Variants in RBM26 observed in about 807,000 individuals in gnomAD.
RBM26 encodes RNA-binding protein 26.
A neutral mutation model predicts 123.6 loss-of-function variants in RBM26; 30 were observed. The observed-to-expected ratio is 0.24, with a 90% CI of 0.18 to 0.33. The LOEUF is 0.33. Ranked by LOEUF, RBM26 falls within the 10% of genes least tolerant of loss-of-function variation. The probability of loss-of-function intolerance (pLI) is 1.00; values close to 1 mark genes in which losing one functional copy is unlikely to be tolerated. For missense variants in RBM26, 947 were observed against 1,203.6 expected (o/e 0.79, Z 3.15); for synonymous variants, 400 against 404.4 (o/e 0.99, Z 0.13).
chr13:79,340,737 T>C (rs978164293), intron 18 of RBM26, among the ~76,000 whole-genome samples: 10 of 152,000 alleles, frequency 6.6e-5, no homozygotes, highest in African/African-American at 2.2e-4. Context: ...GTTCTCAATA[T>C]AGTTCTCCAA....
chr13:79,321,162 T>C (rs1166575458), intron 21 of RBM26, among the ~76,000 whole-genome samples: 2 of 151,434 alleles, frequency 1.3e-5, no homozygotes, highest in African/African-American at 2.4e-5. Context: ...TTTTCTATTA[T>C]TGCATTCCTT....
At position 79,368,967 on chromosome 13, in the gene RBM26, A is replaced by T; in HGVS notation, c.658T>A (p.Tyr220Asn). The T allele has an allele frequency of 6.2e-7, 1 of 1,608,860 alleles. No homozygotes were observed. Among genetic ancestry groups the T allele is most frequent in the Non-Finnish European group, 8.5e-7 (1 of 1,176,180 alleles). ...SRERDLVKPK[Y>N]DLDRTDPLEN... is the part of the protein sequence containing the mutation. ...AATGGATCTGTTCTATCCAGGTCAT[A>T]TTTAGGTTTTACCAGATCCCTTTCT... The change falls in exon 6 of 22, where the codon TAT (tyrosine) becomes AAT (asparagine). Residue 220 changes from tyrosine to asparagine, a missense_variant. Coordinates refer to ENST00000438737, the MANE Select transcript of RBM26 (RefSeq NM_001366735.2).
intron 1 of RBM26, among the ~76,000 whole-genome samples, chr13:79,391,568 C>G (rs561139055): frequency 1.3e-5 from 2 of 152,064 alleles, no homozygotes; most frequent in African/African-American, 4.8e-5. Context: ...GGATTACAGG[C>G]GCCCACCACA....
intron 1 of RBM26, among the ~76,000 whole-genome samples, chr13:79,392,400 A>C (rs1381152635): frequency 6.9e-6 from 1 of 145,274 alleles, no homozygotes; most frequent in Non-Finnish European, 1.5e-5. Context: ...TACTTTCTTA[A>C]ATTATTAAAT....
At chr13:79,322,234 G>A (rs2067761415) in intron 21 of RBM26, 115 bp downstream of exon 21, 2 of 591,744 alleles carry the variant, frequency 3.4e-6, no homozygotes, top group Non-Finnish European at 5.6e-6. Context: ...TCCCCTGCCT[G>A]GACTATGGGT....
intron 9 of RBM26, among the ~76,000 whole-genome samples, chr13:79,360,165 G>A (rs907044340): frequency 5.3e-5 from 8 of 152,044 alleles, no homozygotes; most frequent in Non-Finnish European, 7.4e-5. Flanking sequence ...TTGTTGTTTA[G>A]CTCTTACTGT....
intron 1 of RBM26, among the ~76,000 whole-genome samples, chr13:79,399,098 G>A (rs918624832): frequency 6.6e-6 from 1 of 152,312 alleles, no homozygotes; most frequent in African/African-American, 2.4e-5. Flanking sequence ...ACTGAAACCA[G>A]TGCTGAGAGA....
At chr13:79,381,777 A>G (rs138705991) in intron 1 of RBM26, among the ~76,000 whole-genome samples, 2 of 152,098 alleles carry the variant, frequency 1.3e-5, no homozygotes, top group African/African-American at 2.4e-5. Context: ...TCTGCTCAAC[A>G]TCTTCTGTAG....
Position 79,320,275 on chromosome 13 carries a change from A to G in RBM26, c.*346T>C. 4 of 981,946 alleles carry G rather than the reference A, an allele frequency of 4.1e-6. No homozygotes were observed. The highest frequency in any genetic ancestry group is 4.9e-6 in the Non-Finnish European group (4 of 824,050). 60.8% of individuals were successfully genotyped at this position (981,946 alleles called of 1,614,324 possible). Reference sequence around the variant, plus strand: ...TTCATTCCTTATTTGGAATAAAACAAAGTCCTCTAAGTTATAACAAGTATT... The same window carrying G: ...TTCATTCCTTATTTGGAATAAAACAGAGTCCTCTAAGTTATAACAAGTATT... On this transcript the variant is annotated 3_prime_UTR_variant, in exon 22 of 22. Coordinates refer to ENST00000438737, the MANE Select transcript of RBM26 (RefSeq NM_001366735.2).
rs148438702 is a variant in RBM26 at position 79,379,466 on chromosome 13, C to T, written c.72-559G>A. 9.8e-3 allele frequency among the ~76,000 whole-genome samples: 1,482 copies of T among 151,450 alleles called. 16 individuals carry two copies. Among genetic ancestry groups the T allele is most frequent in the Non-Finnish European group, 0.014 (931 of 67,880 alleles). On this transcript the variant is annotated intron_variant, in intron 1 of 21. Transcript: ENST00000438737. Reference sequence around the variant, plus strand: ...GCTGAGGGAGAAGAATCATCTGAGCCCAGAAGTTCAAAGCTGCAGTGATTT... The same window carrying T: ...GCTGAGGGAGAAGAATCATCTGAGCTCAGAAGTTCAAAGCTGCAGTGATTT...
At chr13:79,341,892 T>C (rs2071433659) in intron 17 of RBM26, among the ~76,000 whole-genome samples, 1 of 151,822 alleles carries the variant, frequency 6.6e-6, no homozygotes, top group South Asian at 2.1e-4. Flanking sequence ...AAAAAGTAAT[T>C]TTAGACCACA....
downstream of RBM26, among the ~76,000 whole-genome samples, chr13:79,316,207 G>GTGTGTGTGTGTA (rs2067138133): frequency 6.7e-6 from 1 of 149,932 alleles, no homozygotes; most frequent in Admixed American, 6.7e-5. Flanking sequence ...GTGTGTGTGT[G>GTGTGTGTGTGTA]TGTGTGTGTG....
chr13:79,361,911 TAGAAACGCACG>T (rs2074733489), intron 9 of RBM26, among the ~76,000 whole-genome samples: 1 of 152,174 alleles, frequency 6.6e-6, no homozygotes, highest in Non-Finnish European at 1.5e-5. Context: ...AGGAAGATTT[TAGAAACGCACG>T]AGAAAGGTTT....
At position 79,359,683 on chromosome 13, in the gene RBM26, T is replaced by G. The variant is rs1365806825; in HGVS notation, c.1421A>C (p.Lys474Thr). 1 of 1,519,664 alleles carries G rather than the reference T, an allele frequency of 6.6e-7. No individual in the cohort carries two copies. Among genetic ancestry groups the G allele is most frequent in the Non-Finnish European group, 8.8e-7 (1 of 1,130,430 alleles). 94.1% of individuals were successfully genotyped at this position (1,519,664 alleles called of 1,614,324 possible). ...CCTCATACTGCTTTTATTGGGAGGC[T>G]TTTCTGTTTTAAAACAAAAGAAAAT... The part of the protein sequence containing the change: ...SGDMDLPPRE[K>T]PPNKSSMRIV... Residue 474 changes from lysine (K) to threonine (T), a missense_variant, in exon 10 of 22, where the codon AAG becomes ACG. Lys to Thr is a moderately conservative substitution (Grantham distance 78, BLOSUM62 -1). Around this residue, in one of 5 missense-constraint regions of RBM26, gnomAD observed 493 missense variants for 563.1 expected, o/e 0.88. Transcript: ENST00000438737.
intron 18 of RBM26, 128 bp downstream of exon 18, chr13:79,340,995 C>CAATATGT: frequency 3.8e-6 from 2 of 531,916 alleles, no homozygotes; most frequent in South Asian, 6.2e-5. Flanking sequence ...ATTAACATCT[C>CAATATGT]AATATGTATG....
intron 3 of RBM26, among the ~76,000 whole-genome samples, chr13:79,373,464 ATATGTATAAATATACAAAT>A (rs2076283415): frequency 4.5e-5 from 3 of 66,322 alleles, no homozygotes; most frequent in African/African-American, 5.9e-5. Context: ...AATATATATA[ATATGTATAAATATACAAAT>A]ATATATAATA....
intron 3 of RBM26, among the ~76,000 whole-genome samples, chr13:79,372,823 A>T (rs1169153573): frequency 0.012 from 1,502 of 127,084 alleles, 419 homozygotes; most frequent in African/African-American, 0.04. Context: ...ATTTATAATA[A>T]ATATTTTATA....
intron 18 of RBM26, among the ~76,000 whole-genome samples, chr13:79,337,902 G>T (rs1027336378): frequency 6.6e-6 from 1 of 152,108 alleles, no homozygotes; most frequent in Non-Finnish European, 1.5e-5. Context: ...AACCCAAGTC[G>T]TAAGTGTAAA....
Position 79,372,750 on chromosome 13 carries a change from A to G in RBM26, c.328-820T>C, listed in dbSNP as rs2076035884. The stretch of plus-strand genomic sequence containing the variant: ...TATATATATTTATGTATCATATTGT[A>G]ATTTATTATATATTTTATATTATAT... On this transcript the variant is annotated intron_variant, in intron 3 of 21. Coordinates refer to ENST00000438737, the MANE Select transcript of RBM26 (RefSeq NM_001366735.2). Among the ~76,000 whole-genome samples the G allele has an allele frequency of 2.7e-5, 3 of 109,786 alleles. No homozygotes were observed. In the South Asian group the frequency reaches 6.9e-4, roughly 25 times the overall value. 72.0% of individuals were successfully genotyped at this position (109,786 alleles called of 152,430 possible). A position where few individuals can be genotyped will look rare whatever the true frequency, so the allele number is the denominator to read the frequency against.
Sources: allele counts gnomAD v4.1 joint callset (sites outside exome capture counted in the v4.1 genomes callset), GRCh38; gene constraint gnomAD v4.1.1; regional missense constraint gnomAD v4.1.1; transcripts MANE v1.5; gene names NCBI Gene and HGNC (gene_info 2026-07-23, HGNC 2026-07-21).